Variants in GIMAP4 observed in about 807,000 individuals in gnomAD.
GIMAP4 encodes GTPase, IMAP family member 4, also known as GTPase IMAP family member 4.
Under a neutral mutation model 10.8 loss-of-function variants are expected in GIMAP4, and 12 were observed. The observed-to-expected ratio is 1.11, with a 90% CI of 0.71 to 1.81. GIMAP4 has a LOEUF of 1.81. Among genes scored for constraint, GIMAP4 ranks in the 40% most tolerant of loss-of-function variants. The pLI is 0.00. For synonymous variants in GIMAP4, 149 were observed against 147.2 expected (o/e 1.01, Z -0.09); for missense variants, 412 against 404.6 (o/e 1.02, Z -0.16).
At position 150,572,745 on chromosome 7, in the gene GIMAP4, G is replaced by A. The variant is rs776193268; in HGVS notation, c.675G>A (p.Met225Ile). The A allele has an allele frequency of 3.5e-5, 57 of 1,614,098 alleles. No homozygotes were observed. The highest frequency in any genetic ancestry group is 4.7e-5 in the Non-Finnish European group (55 of 1,180,042). ...ENKEGCYTNRMYQRAEEEIQK... is the reference protein window; with the variant it reads ...ENKEGCYTNRIYQRAEEEIQK... The stretch of plus-strand genomic sequence containing the variant: ...AGGAAGGCTGCTACACTAATAGGAT[G>A]TACCAAAGGGCGGAGGAGGAGATCC... Residue 225 changes from methionine (M) to isoleucine (I), a missense_variant, in exon 3 of 3, where the codon ATG becomes ATA. Met to Ile is a conservative substitution (Grantham distance 10, BLOSUM62 1). Coordinates refer to ENST00000255945, the MANE Select transcript of GIMAP4 (RefSeq NM_018326.3).
Position 150,570,013 on chromosome 7 carries a change from G to C in GIMAP4, c.58+54G>C, listed in dbSNP as rs1324447659. The C allele has an allele frequency of 3.5e-6, 4 of 1,147,384 alleles. No individual in the cohort carries two copies. The African/African-American group carries it at 4.6e-5, about 13-fold the overall frequency. 71.1% of individuals were successfully genotyped at this position (1,147,384 alleles called of 1,614,324 possible). A position where few individuals can be genotyped will look rare whatever the true frequency, so the allele number is the denominator to read the frequency against. On this transcript the variant is annotated intron_variant, in intron 2 of 2. Coordinates refer to ENST00000255945, the MANE Select transcript of GIMAP4 (RefSeq NM_018326.3). ...CAGGCTGCAGGGAGGTTAGCAGGTGGGGGTGGGGGATTTGGGGGGGAATAG... is the reference window on the plus strand; with the variant it reads ...CAGGCTGCAGGGAGGTTAGCAGGTGCGGGTGGGGGATTTGGGGGGGAATAG...
At chr7:150,567,480 T>C (rs1045864626) in intron 1 of GIMAP4, 43 bp downstream of exon 1, 3 of 152,146 alleles carry the variant, frequency 2.0e-5, no homozygotes, top group African/African-American at 7.2e-5. Flanking sequence ...GGGACGAATG[T>C]GCGATTTTGG....
chr7:150,572,642 A>G lies in GIMAP4; in HGVS notation c.572A>G (p.Asn191Ser). 1 of 1,614,222 alleles carries G rather than the reference A, an allele frequency of 6.2e-7. No individual in the cohort carries two copies. The highest frequency in any genetic ancestry group is 1.1e-5 in the South Asian group (1 of 91,088). ...GGTGACCGCTACTGTGCGTTAAACA[A>G]CAAGGCAACAGGCGCTGAGCAGGAG... Reference protein sequence around the residue: ...IFGDRYCALNNKATGAEQEAQ... With the variant: ...IFGDRYCALNSKATGAEQEAQ... Residue 191 changes from asparagine to serine, a missense_variant, in exon 3 of 3, where the codon AAC (asparagine) becomes AGC (serine). Transcript: ENST00000255945.
intron 1 of GIMAP4, among the ~76,000 whole-genome samples, chr7:150,569,270 A>T (rs1264326161): frequency 6.6e-6 from 1 of 152,244 alleles, no homozygotes; most frequent in Non-Finnish European, 1.5e-5. Flanking sequence ...AGTGGGTTGT[A>T]TTAGCACAAA....
chr7:150,573,665 A>G lies in GIMAP4; in HGVS notation c.*605A>G, dbSNP rs1429385790. ...AAATCGATCTCTACAAATTCAATTA[A>G]ATAATGATCCCCAAATGCTGAAAAA... On this transcript the variant is annotated 3_prime_UTR_variant, in exon 3 of 3. Transcript: ENST00000255945. The G allele has an allele frequency of 4.6e-5, 7 of 152,278 alleles. No individual in the cohort carries two copies. The highest frequency in any genetic ancestry group is 1.7e-4 in the African/African-American group (7 of 41,450). 9.4% of individuals were successfully genotyped at this position (152,278 alleles called of 1,614,324 possible). A position where few individuals can be genotyped will look rare whatever the true frequency, so the allele number is the denominator to read the frequency against.
In GIMAP4 at chr7:150,572,385, C is replaced by G. The variant is rs1383247461; in HGVS notation, c.315C>G (p.Arg105=). The change falls in exon 3 of 3, where the codon CGC becomes CGG. Residue 105 remains arginine, a synonymous_variant. Transcript: ENST00000255945. ...PNAETSKEII[R]CILLTSPGPH... ...CTGAAACGTCCAAGGAGATTATTCG[C>G]TGCATTCTTCTGACCTCCCCAGGGC... The G allele has an allele frequency of 6.2e-7, 1 of 1,613,994 alleles. No homozygotes were observed. Among genetic ancestry groups the G allele is most frequent in the Non-Finnish European group, 8.5e-7 (1 of 1,179,978 alleles).
rs924525049 is a variant in GIMAP4, at chr7:150,567,444, G to A, written c.-15+7G>A. 2.6e-5 allele frequency: 4 copies of A among 152,236 alleles called. No individual in the cohort carries two copies. The highest frequency in any genetic ancestry group is 2.6e-4 in the Admixed American group (4 of 15,278). The allele number at this position is 152,236 out of a possible 1,614,324, so 9.4% of individuals were successfully genotyped here. On this transcript the variant is annotated splice_region_variant and intron_variant, in intron 1 of 2. Transcript: ENST00000255945. ...CAAGATCCTGATTTTTCAGGTAAGG[G>A]AATAGGGGTGTGTGTGGTGGGGGTC...
At chr7:150,571,999 G>C (rs13242186) in intron 2 of GIMAP4, 130 bp from the exon 3 acceptor site, 88,564 of 632,992 alleles carry the variant, frequency 0.14, 6,853 homozygotes, top group East Asian at 0.17. Context: ...ATCTCTGAGT[G>C]CAGCAGTAAC....
chr7:150,572,540 A>C lies in GIMAP4; in HGVS notation c.470A>C (p.Asp157Ala), dbSNP rs773348042. Residue 157 changes from aspartate (D) to alanine (A), a missense_variant, in exon 3 of 3, where the codon GAT becomes GCT. Transcript: ENST00000255945. Reference sequence around the variant, plus strand: ...ATGATTCTCATATTCACCCGGAAAGATGACTTAGGTGACACCAATTTGCAT... The same window carrying C: ...ATGATTCTCATATTCACCCGGAAAGCTGACTTAGGTGACACCAATTTGCAT... ...SFMILIFTRK[D>A]DLGDTNLHDY... is the part of the protein sequence containing the mutation. 1.2e-6 allele frequency: 2 copies of C among 1,614,168 alleles called. No individual in the cohort carries two copies. The highest frequency in any genetic ancestry group is 2.2e-5 in the South Asian group (2 of 91,080).
In GIMAP4 at chr7:150,573,249, C is replaced by T; in HGVS notation, c.*189C>T. The T allele has an allele frequency of 1.8e-6, 1 of 552,602 alleles. No homozygotes were observed. Among genetic ancestry groups the T allele is most frequent in the South Asian group, 2.4e-5 (1 of 41,736 alleles). 34.2% of individuals were successfully genotyped at this position (552,602 alleles called of 1,614,324 possible). On this transcript the variant is annotated 3_prime_UTR_variant, in exon 3 of 3. Coordinates refer to ENST00000255945, the MANE Select transcript of GIMAP4 (RefSeq NM_018326.3). ...GGACAAATTTTCAATTTGTGAAACT[C>T]CAAAGCAGAAAGTATTGGTGCTTGC...
At position 150,572,632 on chromosome 7, in the gene GIMAP4, G is replaced by C. The variant is rs1218989179; in HGVS notation, c.562G>C (p.Ala188Pro). Reference sequence around the variant, plus strand: ...GGACATTTTCGGTGACCGCTACTGTGCGTTAAACAACAAGGCAACAGGCGC... The same window carrying C: ...GGACATTTTCGGTGACCGCTACTGTCCGTTAAACAACAAGGCAACAGGCGC... ...LMDIFGDRYC[A>P]LNNKATGAEQ... The change falls in exon 3 of 3, where the codon GCG becomes CCG. Residue 188 changes from alanine (A) to proline (P), a missense_variant. Ala to Pro is a conservative substitution (Grantham distance 27). Transcript: ENST00000255945. 3.1e-6 allele frequency: 5 copies of C among 1,614,196 alleles called. No individual in the cohort carries two copies. The Middle Eastern group carries it at 4.9e-4, about 160-fold the overall frequency.
At chr7:150,569,277 C>G (rs1317126084) in intron 1 of GIMAP4, among the ~76,000 whole-genome samples, 2 of 152,088 alleles carry the variant, frequency 1.3e-5, no homozygotes, top group African/African-American at 4.8e-5. Context: ...TGTATTAGCA[C>G]AAAGATGGAG....
chr7:150,571,630 A>C (rs1018677593), intron 2 of GIMAP4, among the ~76,000 whole-genome samples: 4 of 151,960 alleles, frequency 2.6e-5, no homozygotes, highest in African/African-American at 9.7e-5. Context: ...AAAATACAAA[A>C]ATTATCCGGG....
At chr7:150,568,204 T>C (rs144690253) in intron 1 of GIMAP4, among the ~76,000 whole-genome samples, 1 of 152,326 alleles carries the variant, frequency 6.6e-6, no homozygotes, top group Non-Finnish European at 1.5e-5. Context: ...AAACCCAGAA[T>C]GTCACAGTAT....
chr7:150,569,891 T>A lies in GIMAP4; in HGVS notation c.-11T>A. ...GGTTATGTTTCTTGATCTACAGGAG[T>A]TCAAGCGACAATGGCAGCCCAATAC... On this transcript the variant is annotated 5_prime_UTR_variant, in exon 2 of 3. Coordinates refer to ENST00000255945, the MANE Select transcript of GIMAP4 (RefSeq NM_018326.3). The A allele has an allele frequency of 6.9e-7, 1 of 1,451,076 alleles. No homozygotes were observed. 89.9% of individuals were successfully genotyped at this position (1,451,076 alleles called of 1,614,324 possible).
In GIMAP4 at chr7:150,572,834, TAAGAGAGGAGTATG is replaced by T. The variant is rs1332434355; in HGVS notation, c.771_784del (p.Glu258AsnfsTer7). On this transcript the variant is annotated frameshift_variant, in exon 3 of 3. Coordinates refer to ENST00000255945, the MANE Select transcript of GIMAP4 (RefSeq NM_018326.3). LOFTEE classifies it low-confidence loss of function (END_TRUNC). ...GAGCTGGAGAGAGAGAAAGCGCGGA[TAAGAGAGGAGTATG>T]AAGAGAAAATCAGAAAGCTGGAAGA... The T allele has an allele frequency of 1.9e-6, 3 of 1,613,420 alleles. No individual in the cohort carries two copies. The East Asian group carries it at 6.7e-5, about 36-fold the overall frequency.
Position 150,572,890 on chromosome 7 carries a change from A to AAG in GIMAP4, c.824_825dup (p.Lys276GlufsTer9), listed in dbSNP as rs751749760. ...GCTGGAAGATAAAGTGGAGCAGGAAAAGAGAAAGAAGCAAATGGAGAAGAA... is the reference window on the plus strand; with the variant it reads ...GCTGGAAGATAAAGTGGAGCAGGAAAAGAGAGAAAGAAGCAAATGGAGAAGAA... On this transcript the variant is annotated frameshift_variant, in exon 3 of 3. Coordinates refer to ENST00000255945, the MANE Select transcript of GIMAP4 (RefSeq NM_018326.3). LOFTEE classifies it low-confidence loss of function (END_TRUNC). 1.6e-5 allele frequency: 26 copies of AAG among 1,613,958 alleles called. No homozygotes were observed. Among genetic ancestry groups the AAG allele is most frequent in the Non-Finnish European group, 2.1e-5 (25 of 1,180,004 alleles).
At position 150,568,408 on chromosome 7, in the gene GIMAP4, G is replaced by T. The variant is rs192779368; in HGVS notation, c.-15+971G>T. 4.2e-3 allele frequency among the ~76,000 whole-genome samples: 638 copies of T among 152,260 alleles called. 50 individuals carry two copies. In the South Asian group the frequency reaches 0.13, roughly 30 times the overall value. ...TTCATATTTGTTGGCTTCCTATGAG[G>T]TGACTCTGTCTTTAACAACTACCAT... On this transcript the variant is annotated intron_variant, in intron 1 of 2. Coordinates refer to ENST00000255945, the MANE Select transcript of GIMAP4 (RefSeq NM_018326.3).
At chr7:150,569,289 G>T (rs939950553) in intron 1 of GIMAP4, among the ~76,000 whole-genome samples, 1 of 152,198 alleles carries the variant, frequency 6.6e-6, no homozygotes. Context: ...AAGATGGAGA[G>T]AAATGGGTAA....
Sources: allele counts gnomAD v4.1 joint callset (sites outside exome capture counted in the v4.1 genomes callset), GRCh38; gene constraint gnomAD v4.1.1; transcripts MANE v1.5; gene names NCBI Gene and HGNC (gene_info 2026-07-23, HGNC 2026-07-21).